The following KLF12 variants were observed in gnomAD, a reference collection of about 807,000 sequenced individuals.
KLF12 encodes KLF transcription factor 12.
KLF12 carries 9 observed loss-of-function variants against 37.8 expected under a neutral mutation model. The ratio of observed to expected loss-of-function variants is 0.24; its 90% CI spans 0.14 to 0.42. The LOEUF is 0.42. KLF12 is among the 10% of genes least tolerant of loss of function. The pLI is 1.00. For synonymous variants in KLF12, 208 were observed against 202.1 expected (o/e 1.03, Z -0.25); for missense variants, 411 against 516.0 (o/e 0.80, Z 1.97).
At chr13:73,877,622 T>G (rs1338167262) in intron 3 of KLF12, among the ~76,000 whole-genome samples, 1 of 152,238 alleles carries the variant, frequency 6.6e-6, no homozygotes, top group Non-Finnish European at 1.5e-5. Flanking sequence ...AGTCTACTGG[T>G]GTTTTCTTTG....
chr13:73,727,524 C>T (rs905161334), intron 6 of KLF12, among the ~76,000 whole-genome samples: 2 of 152,116 alleles, frequency 1.3e-5, no homozygotes, highest in African/African-American at 4.8e-5. Flanking sequence ...GGGTTGATTC[C>T]TGGATTCTTA....
At chr13:74,174,612 C>A in the KLF12 span, among the ~76,000 whole-genome samples, 4 of 152,086 alleles carry the variant, frequency 2.6e-5, no homozygotes, top group Admixed American at 6.5e-5. Context: ...CCTGCCACTG[C>A]CCCTAAGCCC....
At chr13:74,201,506 A>G in the KLF12 span, among the ~76,000 whole-genome samples, 28 of 152,250 alleles carry the variant, frequency 1.8e-4, 2 homozygotes, top group Admixed American at 1.6e-3. Context: ...CTTATTCCCA[A>G]TAAGCTCTTC....
intron 6 of KLF12, among the ~76,000 whole-genome samples, chr13:73,724,202 T>G (rs928981431): frequency 6.6e-6 from 1 of 151,990 alleles, no homozygotes; most frequent in Non-Finnish European, 1.5e-5. Context: ...CATGGAATAC[T>G]ATGCAGCCAT....
chr13:73,849,998 T>G (rs1351970813), intron 3 of KLF12, among the ~76,000 whole-genome samples: 1 of 152,196 alleles, frequency 6.6e-6, no homozygotes, highest in Non-Finnish European at 1.5e-5. Context: ...AGTAATTTCA[T>G]TTTCCAAAAG....
At chr13:73,876,117 A>T (rs1886689433) in intron 3 of KLF12, among the ~76,000 whole-genome samples, 1 of 151,882 alleles carries the variant, frequency 6.6e-6, no homozygotes, top group African/African-American at 2.4e-5. Context: ...TCAGGAATCC[A>T]GCACATTTTA....
chr13:73,784,819 G>A (rs1008250062), intron 5 of KLF12, among the ~76,000 whole-genome samples: 6 of 151,820 alleles, frequency 4.0e-5, no homozygotes, highest in Non-Finnish European at 7.4e-5. Flanking sequence ...TGCATTTTTT[G>A]TAGAGACGGG....
intron 5 of KLF12, among the ~76,000 whole-genome samples, chr13:73,783,255 A>G (rs940567289): frequency 1.3e-5 from 2 of 152,154 alleles, no homozygotes; most frequent in Non-Finnish European, 2.9e-5. Context: ...GTTCTCACTC[A>G]TATGTGGGAG....
At chr13:74,144,376 T>A in the KLF12 span, among the ~76,000 whole-genome samples, 1 of 152,146 alleles carries the variant, frequency 6.6e-6, no homozygotes, top group African/African-American at 2.4e-5. Context: ...CAAAAACAAG[T>A]TTCTTCAAAA....
chr13:73,735,128 T>TAAA (rs34423201), intron 6 of KLF12, among the ~76,000 whole-genome samples: 3 of 93,630 alleles, frequency 3.2e-5, no homozygotes, highest in African/African-American at 7.8e-5. Flanking sequence ...CCTCTACTAT[T>TAAA]AAAAAAAAAA....
At chr13:74,260,446 T>A in the KLF12 span, among the ~76,000 whole-genome samples, 2 of 151,704 alleles carry the variant, frequency 1.3e-5, no homozygotes, top group South Asian at 4.2e-4. Context: ...CCTAGCTACT[T>A]GGGAGACTGA....
At chr13:74,285,597 A>T in the KLF12 span, among the ~76,000 whole-genome samples, 1 of 152,150 alleles carries the variant, frequency 6.6e-6, no homozygotes, top group South Asian at 2.1e-4. Flanking sequence ...TAATTTCCCT[A>T]TACTCCCTGT....
chr13:74,146,510 G>T, the KLF12 span, among the ~76,000 whole-genome samples: 2 of 152,104 alleles, frequency 1.3e-5, no homozygotes, highest in Admixed American at 6.5e-5. Flanking sequence ...ACAGATTAGG[G>T]ATATTGGTTT....
chr13:73,998,624 A>C (rs1257372412), intron 1 of KLF12, among the ~76,000 whole-genome samples: 2 of 152,238 alleles, frequency 1.3e-5, no homozygotes, highest in Non-Finnish European at 2.9e-5. Context: ...CAGTTACTGT[A>C]ATTTTTAAAG....
chr13:73,792,773 A>C (rs918633953), intron 5 of KLF12, among the ~76,000 whole-genome samples: 1 of 152,216 alleles, frequency 6.6e-6, no homozygotes, highest in Non-Finnish European at 1.5e-5. Flanking sequence ...AAAAGTAATA[A>C]AAGTTTTTGC....
At chr13:73,833,835 G>A (rs1282576525) in intron 4 of KLF12, among the ~76,000 whole-genome samples, 1 of 152,098 alleles carries the variant, frequency 6.6e-6, no homozygotes, top group Non-Finnish European at 1.5e-5. Flanking sequence ...ACGTGCGGAG[G>A]CTTGCTGGTT....
intron 6 of KLF12, among the ~76,000 whole-genome samples, chr13:73,751,985 T>A (rs532073075): frequency 6.6e-6 from 1 of 151,996 alleles, no homozygotes; most frequent in Non-Finnish European, 1.5e-5. Flanking sequence ...AGTTTACCTA[T>A]GGATTTATTT....
At chr13:73,985,329 G>A (rs1891799970) in intron 2 of KLF12, among the ~76,000 whole-genome samples, 2 of 152,170 alleles carry the variant, frequency 1.3e-5, no homozygotes, top group African/African-American at 4.8e-5. Flanking sequence ...TGAAATCGTG[G>A]TTGTCACAAG....
At chr13:74,220,557 A>G in the KLF12 span, among the ~76,000 whole-genome samples, 1 of 152,174 alleles carries the variant, frequency 6.6e-6, no homozygotes, top group African/African-American at 2.4e-5. Flanking sequence ...TACTCTTTTT[A>G]GTTATTTTCA....
Sources: gnomAD v4.1 joint callset for allele counts (sites outside exome capture counted in the v4.1 genomes callset) on GRCh38, gnomAD v4.1.1 for gene constraint, MANE v1.5 for transcripts, NCBI Gene and HGNC (gene_info 2026-07-23, HGNC 2026-07-21) for gene names.